Variants in B4GALT4 observed in about 807,000 individuals in gnomAD.
B4GALT4 encodes N-acetyllactosamine synthase.
B4GALT4 carries 27 observed loss-of-function variants against 37.3 expected under a neutral mutation model. The observed-to-expected ratio is 0.72, with a 90% CI of 0.53 to 1.00. The LOEUF (loss-of-function observed/expected upper bound fraction) is 1.00. Ranked by LOEUF, B4GALT4 falls within the 50% of genes least tolerant of loss-of-function variation. The pLI, the probability that B4GALT4 is intolerant of heterozygous loss-of-function variation, is 0.00. For missense variants in B4GALT4, 372 were observed against 413.1 expected (o/e 0.90, Z 0.86); for synonymous variants, 148 against 154.1 (o/e 0.96, Z 0.29).
At position 119,223,139 on chromosome 3, in the gene B4GALT4, T is replaced by A. The variant is rs538389619; in HGVS notation, c.674+919A>T. ...TCTCTTCATTTGTCCCTCTCTCCCC[T>A]CCTTACCAAGTGCTTATAGTTGTAT... On this transcript the variant is annotated intron_variant, in intron 5 of 7. Transcript: ENST00000393765. Among the ~76,000 whole-genome samples the A allele has an allele frequency of 2.6e-5, 4 of 152,308 alleles. No individual in the cohort carries two copies. The South Asian group carries it at 8.3e-4, about 32-fold the overall frequency.
At chr3:119,226,538 C>G (rs1340107154) in intron 4 of B4GALT4, 1 of 442,700 alleles carries the variant, frequency 2.3e-6, no homozygotes, top group African/African-American at 2.0e-5. Flanking sequence ...AATCTGAGGG[C>G]AGTCATTGGC....
Position 119,216,344 on chromosome 3 carries a change from C to T in B4GALT4, c.798G>A (p.Arg266=). ...WGGEDDDLRL[R]VELQRMKISR... ...AAATTTTCATTCTTTGGAGCTCAAC[C>T]CTAGAAAAATAATAGAGATTTTTTT... The change falls in exon 7 of 8, where the codon AGG becomes AGA. Residue 266 remains arginine, a splice_region_variant and synonymous_variant. Transcript: ENST00000393765. 6.2e-7 allele frequency: 1 copy of T among 1,608,894 alleles called. No individual in the cohort carries two copies. The highest frequency in any genetic ancestry group is 1.3e-5 in the African/African-American group (1 of 74,584).
intron 6 of B4GALT4, among the ~76,000 whole-genome samples, chr3:119,216,570 A>G (rs1282920364): frequency 6.6e-6 from 1 of 152,212 alleles, no homozygotes; most frequent in African/African-American, 2.4e-5. Context: ...ATAAGCCCAA[A>G]AAAGAATGAG....
At chr3:119,214,647 A>C (rs1186637069) in intron 7 of B4GALT4, 1 of 152,228 alleles carries the variant, frequency 6.6e-6, no homozygotes, top group Non-Finnish European at 1.5e-5. Context: ...AAAAATTTTT[A>C]ATCAGTGCTT....
chr3:119,215,139 G>A (rs139566317), intron 7 of B4GALT4: 96 of 152,364 alleles, frequency 6.3e-4, no homozygotes, highest in African/African-American at 2.2e-3. Flanking sequence ...CTGTGAGGGT[G>A]TTGCCAAAGG....
Position 119,226,868 on chromosome 3 carries a change from G to A in B4GALT4, c.427C>T (p.His143Tyr), listed in dbSNP as rs767214577. Reference protein sequence around the residue: ...REKHLMYLLEHLHPFLQRQQL... With the variant: ...REKHLMYLLEYLHPFLQRQQL... ...TGCCTCTGCAGGAAGGGATGCAGAT[G>A]TTCCAGCAGGTACATCAGGTGTTTC... is the stretch of plus-strand genomic sequence containing the variant. The change falls in exon 4 of 8, where the codon CAT (histidine) becomes TAT (tyrosine). Residue 143 changes from histidine (H) to tyrosine (Y), a missense_variant. By Grantham distance (83) the His-to-Tyr change is moderately conservative. Coordinates refer to ENST00000393765, the MANE Select transcript of B4GALT4 (RefSeq NM_003778.4). The A allele has an allele frequency of 1.2e-6, 2 of 1,614,206 alleles. No homozygotes were observed. Among genetic ancestry groups the A allele is most frequent in the Non-Finnish European group, 1.7e-6 (2 of 1,180,028 alleles).
intron 4 of B4GALT4, among the ~76,000 whole-genome samples, chr3:119,225,555 C>A (rs1016499073): frequency 7.8e-6 from 1 of 128,220 alleles, no homozygotes. Flanking sequence ...TGCCACCACA[C>A]CCAACTAATT....
intron 2 of B4GALT4, among the ~76,000 whole-genome samples, chr3:119,231,687 T>A (rs2078822161): frequency 6.7e-6 from 1 of 148,378 alleles, no homozygotes; most frequent in Admixed American, 6.7e-5. Flanking sequence ...TTCTCTTTTC[T>A]TTTTAGAATT....
intron 5 of B4GALT4, among the ~76,000 whole-genome samples, chr3:119,220,412 G>A (rs780770446): frequency 2.0e-5 from 3 of 152,252 alleles, no homozygotes; most frequent in South Asian, 2.1e-4. Context: ...AACCAATATC[G>A]CCATGTGCAA....
intron 2 of B4GALT4, among the ~76,000 whole-genome samples, chr3:119,230,906 TAGAC>T (rs1324429326): frequency 6.6e-6 from 1 of 152,202 alleles, no homozygotes; most frequent in Non-Finnish European, 1.5e-5. Context: ...AGTTTGGACT[TAGAC>T]AGAAACTACA....
intron 6 of B4GALT4, 78 bp from the exon 7 acceptor site, chr3:119,216,422 A>C: frequency 1.1e-6 from 1 of 891,942 alleles, no homozygotes; most frequent in Non-Finnish European, 1.7e-6. Context: ...TCATTTGCGA[A>C]AATTTATACA....
chr3:119,234,573 A>T (rs1024259498), intron 2 of B4GALT4, among the ~76,000 whole-genome samples: 9 of 152,196 alleles, frequency 5.9e-5, no homozygotes, highest in Admixed American at 6.5e-5. Context: ...ATGAGTATGT[A>T]ATATTTTTAT....
At chr3:119,226,674 TA>T in intron 4 of B4GALT4, 134 bp downstream of exon 4, 1 of 734,976 alleles carries the variant, frequency 1.4e-6, no homozygotes. Context: ...CTTTCAAGGA[TA>T]AATGAGGTAA....
intron 7 of B4GALT4, 184 bp downstream of exon 7, chr3:119,216,056 T>G: frequency 9.2e-5 from 34 of 369,832 alleles, no homozygotes; most frequent in South Asian, 1.2e-4. Context: ...GGCCATGAGT[T>G]GAGAACTGTA....
intron 7 of B4GALT4, 115 bp downstream of exon 7, chr3:119,216,125 A>T: frequency 2.5e-6 from 2 of 800,416 alleles, no homozygotes; most frequent in Non-Finnish European, 3.6e-6. Flanking sequence ...AAATTTGCTT[A>T]ATAAAAATCT....
chr3:119,218,807 A>T, intron 5 of B4GALT4, 35 bp from the exon 6 acceptor site: 1 of 1,612,220 alleles, frequency 6.2e-7, no homozygotes, highest in Non-Finnish European at 8.5e-7. Flanking sequence ...TGGTAAGAAT[A>T]TTCGCACCAA....
chr3:119,227,505 G>A (rs1435485091), intron 3 of B4GALT4, among the ~76,000 whole-genome samples: 3 of 152,118 alleles, frequency 2.0e-5, no homozygotes, highest in Non-Finnish European at 4.4e-5. Flanking sequence ...CCTAAACTCT[G>A]GAACCACCCT....
intron 5 of B4GALT4, among the ~76,000 whole-genome samples, chr3:119,221,947 C>T (rs980684621): frequency 1.3e-5 from 2 of 152,160 alleles, no homozygotes; most frequent in East Asian, 1.9e-4. Flanking sequence ...TCAGAGTGAG[C>T]GGCATCTGAT....
intron 1 of B4GALT4, among the ~76,000 whole-genome samples, chr3:119,239,107 C>T (rs1559940318): frequency 6.6e-6 from 1 of 152,158 alleles, no homozygotes; most frequent in Non-Finnish European, 1.5e-5. Flanking sequence ...AAATGGATCA[C>T]TTGGGGTCAG....
Sources: allele counts gnomAD v4.1 joint callset (sites outside exome capture counted in the v4.1 genomes callset), GRCh38; gene constraint gnomAD v4.1.1; transcripts MANE v1.5; gene names NCBI Gene and HGNC (gene_info 2026-07-23, HGNC 2026-07-21).